The following GHRHR variants were observed in gnomAD, a reference collection of about 807,000 sequenced individuals.
GHRHR encodes the protein growth hormone releasing hormone receptor, also known as growth hormone-releasing hormone receptor.
Under a neutral mutation model 58.3 loss-of-function variants are expected in GHRHR, and 40 were observed. The observed-to-expected ratio is 0.69, with a 90% CI of 0.53 to 0.89. GHRHR has a LOEUF of 0.89. Ranked by LOEUF, GHRHR falls within the 40% of genes least tolerant of loss-of-function variation. The pLI, the probability that GHRHR is intolerant of heterozygous loss-of-function variation, is 0.00. For synonymous variants in GHRHR, 249 were observed against 216.6 expected, an observed-to-expected ratio of 1.15 and a Z score of -1.31; for missense variants, 551 against 541.3, an observed-to-expected ratio of 1.02 and a Z score of -0.18.
Position 30,977,336 on chromosome 7 carries a change from G to A in GHRHR, c.1146+14G>A, listed in dbSNP as rs1792610598. ...CTCAACCAAGAGGTGTGTGATTTTTGAGGCTATCCCTCATGGAGTCCCCCT... is the reference window on the plus strand; with the variant it reads ...CTCAACCAAGAGGTGTGTGATTTTTAAGGCTATCCCTCATGGAGTCCCCCT... On this transcript the variant is annotated intron_variant, in intron 12 of 12. Coordinates refer to ENST00000326139, the MANE Select transcript of GHRHR (RefSeq NM_000823.4). 3 of 1,612,824 alleles carry A rather than the reference G, an allele frequency of 1.9e-6. No individual in the cohort carries two copies. The highest frequency in any genetic ancestry group is 2.2e-5 in the East Asian group (1 of 44,866).
chr7:30,968,782 C>A, intron 1 of GHRHR, 52 bp from the exon 2 acceptor site: 1 of 1,234,010 alleles, frequency 8.1e-7, no homozygotes, highest in Non-Finnish European at 1.2e-6. Context: ...GACCACAGAG[C>A]CCAGAAAGAC....
chr7:30,964,674 A>G (rs1373838283), intron 1 of GHRHR, among the ~76,000 whole-genome samples: 1 of 152,178 alleles, frequency 6.6e-6, no homozygotes, highest in Non-Finnish European at 1.5e-5. Context: ...GGTGGAGACC[A>G]GCTGCTTCTG....
rs1792650746 is a variant in GHRHR, at chr7:30,979,425, C to G, written c.*181C>G. 2 of 625,894 alleles carry G rather than the reference C, an allele frequency of 3.2e-6. No homozygotes were observed. The highest frequency in any genetic ancestry group is 3.6e-5 in the African/African-American group (2 of 55,552). 38.8% of individuals were successfully genotyped at this position (625,894 alleles called of 1,614,324 possible). A position where few individuals can be genotyped will look rare whatever the true frequency, so the allele number is the denominator to read the frequency against. On this transcript the variant is annotated 3_prime_UTR_variant, in exon 13 of 13. Transcript: ENST00000326139. ...TCTTTTGAGGTCCCTGTATGTCTAC[C>G]TCTGACTTCTGTGGTCCCTCTGTGT...
chr7:30,977,236 C>A, intron 11 of GHRHR, 45 bp from the exon 12 acceptor site: 5 of 1,591,684 alleles, frequency 3.1e-6, no homozygotes, highest in Non-Finnish European at 4.3e-6. Context: ...ACCTTCAGGC[C>A]AGGCCAAAGG....
chr7:30,971,877 T>C, intron 5 of GHRHR, 86 bp from the exon 6 acceptor site: 1 of 1,242,716 alleles, frequency 8.0e-7, no homozygotes, highest in Non-Finnish European at 1.2e-6. Context: ...TCGATTCACC[T>C]CCTGCCCTGT....
Position 30,974,490 on chromosome 7 carries a change from G to A in GHRHR, c.812+1G>A, listed in dbSNP as rs770246828. 6.2e-6 allele frequency: 10 copies of A among 1,607,744 alleles called. No individual in the cohort carries two copies. The highest frequency in any genetic ancestry group is 2.2e-5 in the East Asian group (1 of 44,858). On this transcript the variant is annotated splice_donor_variant, in intron 8 of 12. Transcript: ENST00000326139. LOFTEE classifies it high-confidence loss of function. ...GCAAACTGGCCTTCGAGGACATCGC[G>A]TGAGTCGGAGCGGCCACCTTGTCAT...
intron 6 of GHRHR, among the ~76,000 whole-genome samples, chr7:30,973,501 C>T (rs1792515976): frequency 6.6e-6 from 1 of 152,180 alleles, no homozygotes; most frequent in Non-Finnish European, 1.5e-5. Flanking sequence ...GGTGGTCCTG[C>T]TCCCCTGCCG....
Position 30,969,861 on chromosome 7 carries a change from TC to T in GHRHR, c.269-3del, listed in dbSNP as rs764004356. On this transcript the variant is annotated splice_polypyrimidine_tract_variant and splice_region_variant and intron_variant, in intron 3 of 12. Coordinates refer to ENST00000326139, the MANE Select transcript of GHRHR (RefSeq NM_000823.4). ...TTGTGGCTAGAGAGTCTTGCTTGCCTCCCAGGGGCTGTGAAACGGGATTGTA... is the reference window on the plus strand; with the variant it reads ...TTGTGGCTAGAGAGTCTTGCTTGCCTCCAGGGGCTGTGAAACGGGATTGTA... 2.5e-6 allele frequency: 4 copies of T among 1,613,572 alleles called. No individual in the cohort carries two copies. The highest frequency in any genetic ancestry group is 2.5e-6 in the Non-Finnish European group (3 of 1,179,586).
At position 30,972,114 on chromosome 7, in the gene GHRHR, G is replaced by C. The variant is rs749589917; in HGVS notation, c.597+19G>C. On this transcript the variant is annotated intron_variant, in intron 6 of 12. Coordinates refer to ENST00000326139, the MANE Select transcript of GHRHR (RefSeq NM_000823.4). ...CTCCACTGTAATGGCCATGGGTGAA[G>C]GGGCTGGGCAGGTGGGGGAGAGAGG... 3.7e-6 allele frequency: 6 copies of C among 1,613,436 alleles called. No individual in the cohort carries two copies. Among genetic ancestry groups the C allele is most frequent in the South Asian group, 1.1e-5 (1 of 91,074 alleles).
intron 6 of GHRHR, 196 bp downstream of exon 6, chr7:30,972,291 C>CG (rs34478258): frequency 8.0e-5 from 50 of 623,206 alleles, no homozygotes; most frequent in Non-Finnish European, 1.3e-4. Flanking sequence ...ACTGTGGTGT[C>CG]GATCCATGTC....
In GHRHR at chr7:30,975,028, C is replaced by T. The variant is rs369716383; in HGVS notation, c.870C>T (p.Val290=). The T allele has an allele frequency of 9.3e-6, 15 of 1,611,098 alleles. No homozygotes were observed. The highest frequency in any genetic ancestry group is 2.2e-5 in the East Asian group (1 of 44,864). ...GGTGGATCATCAAAGGGCCCATTGT[C>T]CTCTCGGTCGGGGTCAGTCCCTGGG... The part of the protein sequence containing the change: ...PYWWIIKGPI[V]LSVGVNFGLF... The change falls in exon 9 of 13, where the codon GTC becomes GTT. Residue 290 remains valine, a synonymous_variant. Transcript: ENST00000326139.
At position 30,968,914 on chromosome 7, in the gene GHRHR, G is replaced by A. The variant is rs375206873; in HGVS notation, c.138G>A (p.Glu46=). 26 of 1,613,318 alleles carry A rather than the reference G, an allele frequency of 1.6e-5. No homozygotes were observed. Among genetic ancestry groups the A allele is most frequent in the Middle Eastern group, 1.7e-4 (1 of 6,060 alleles). ...EDESACLQAA[E]EMPNTTLGCP... ...AGAGTGCCTGTCTACAAGCAGCAGAGGAGATGCCCAACACCACCCTGGGTA... is the reference window on the plus strand; with the variant it reads ...AGAGTGCCTGTCTACAAGCAGCAGAAGAGATGCCCAACACCACCCTGGGTA... Residue 46 remains glutamate, a synonymous_variant, in exon 2 of 13, where the codon GAG becomes GAA. Coordinates refer to ENST00000326139, the MANE Select transcript of GHRHR (RefSeq NM_000823.4).
In GHRHR at chr7:30,979,352, C is replaced by G; in HGVS notation, c.*108C>G. 9.2e-7 allele frequency: 1 copy of G among 1,090,944 alleles called. No individual in the cohort carries two copies. Among genetic ancestry groups the G allele is most frequent in the Non-Finnish European group, 1.4e-6 (1 of 738,830 alleles). The allele number at this position is 1,090,944 out of a possible 1,614,324, so 67.6% of individuals were successfully genotyped here. On this transcript the variant is annotated 3_prime_UTR_variant, in exon 13 of 13. Transcript: ENST00000326139. Reference sequence around the variant, plus strand: ...CCACATCCCCACCCCAGCTGTTACCCAGCCCGGGGCAGGTGCAGCCCTTCC... The same window carrying G: ...CCACATCCCCACCCCAGCTGTTACCGAGCCCGGGGCAGGTGCAGCCCTTCC...
chr7:30,969,012 G>A, intron 2 of GHRHR, 51 bp from the exon 3 acceptor site: 1 of 1,540,212 alleles, frequency 6.5e-7, no homozygotes. Context: ...GGATTATTGG[G>A]ACAGCCCTGC....
intron 1 of GHRHR, among the ~76,000 whole-genome samples, chr7:30,967,145 G>A (rs1261615014): frequency 6.6e-6 from 1 of 152,216 alleles, no homozygotes; most frequent in Non-Finnish European, 1.5e-5. Context: ...GGCTTCCCTT[G>A]TATGTATCTG....
At chr7:30,968,738 G>A in intron 1 of GHRHR, 96 bp from the exon 2 acceptor site, 2 of 790,752 alleles carry the variant, frequency 2.5e-6, no homozygotes, top group South Asian at 2.8e-5. Flanking sequence ...GCACAGATAT[G>A]AATCAGGCCT....
At chr7:30,966,024 C>A (rs1011084204) in intron 1 of GHRHR, among the ~76,000 whole-genome samples, 1 of 152,194 alleles carries the variant, frequency 6.6e-6, no homozygotes, top group African/African-American at 2.4e-5. Context: ...CATCTGCACC[C>A]TGGGGCCTTG....
At chr7:30,973,822 T>G (rs765196855) in intron 6 of GHRHR, among the ~76,000 whole-genome samples, 163 bp from the exon 7 acceptor site, 36 of 152,156 alleles carry the variant, frequency 2.4e-4, no homozygotes, top group Non-Finnish European at 3.7e-4. Flanking sequence ...CTCTTAACCC[T>G]CACTGTATAT....
At chr7:30,970,220 G>A (rs1013540377) in intron 4 of GHRHR, among the ~76,000 whole-genome samples, 2 of 152,184 alleles carry the variant, frequency 1.3e-5, no homozygotes, top group Admixed American at 6.5e-5. Context: ...TGCTGTCTTG[G>A]TTCTGTGTCC....
Sources: allele counts gnomAD v4.1 joint callset (sites outside exome capture counted in the v4.1 genomes callset), GRCh38; gene constraint gnomAD v4.1.1; transcripts MANE v1.5; gene names NCBI Gene and HGNC (gene_info 2026-07-23, HGNC 2026-07-21).